NELL1: variants seen among roughly 807,000 people sequenced by gnomAD.
NELL1 encodes the protein protein kinase C-binding protein NELL1.
Under a neutral mutation model 107.4 loss-of-function variants are expected in NELL1, and 76 were observed. The observed-to-expected ratio is 0.71, with a 90% CI of 0.59 to 0.86. The LOEUF (loss-of-function observed/expected upper bound fraction) is 0.86, where lower values mean the gene tolerates loss of function less well. Ranked by LOEUF, NELL1 falls within the 40% of genes least tolerant of loss-of-function variation. The pLI, the probability that NELL1 is intolerant of heterozygous loss-of-function variation, is 0.00. For synonymous variants in NELL1, 353 were observed against 341.2 expected (o/e 1.03, Z -0.38); for missense variants, 1,024 against 1,005.5 (o/e 1.02, Z -0.25).
At chr11:20,982,903 C>A (rs1396444830) in intron 12 of NELL1, among the ~76,000 whole-genome samples, 1 of 152,194 alleles carries the variant, frequency 6.6e-6, no homozygotes, top group Non-Finnish European at 1.5e-5. Flanking sequence ...TTGTGGAAAA[C>A]CTCCAACAAA....
At chr11:20,978,451 C>T (rs371400433) in intron 12 of NELL1, among the ~76,000 whole-genome samples, 3 of 151,930 alleles carry the variant, frequency 2.0e-5, no homozygotes, top group African/African-American at 7.3e-5. Flanking sequence ...AAAGCACACA[C>T]ACACAACAAA....
At chr11:21,489,020 A>T (rs1268507018) in intron 15 of NELL1, among the ~76,000 whole-genome samples, 1 of 152,052 alleles carries the variant, frequency 6.6e-6, no homozygotes, top group Non-Finnish European at 1.5e-5. Context: ...AAAGGAACAA[A>T]ATTGAAAAAC....
chr11:20,863,154 C>T (rs1849012375), intron 4 of NELL1, among the ~76,000 whole-genome samples: 2 of 151,918 alleles, frequency 1.3e-5, no homozygotes, highest in African/African-American at 2.4e-5. Flanking sequence ...CAGAGGGGCT[C>T]CTCACTTCCC....
chr11:21,028,296 G>C (rs1220814868), intron 12 of NELL1, among the ~76,000 whole-genome samples: 1 of 152,134 alleles, frequency 6.6e-6, no homozygotes, highest in East Asian at 1.9e-4. Context: ...AGCCAGGATT[G>C]AGAACCTCTG....
intron 5 of NELL1, among the ~76,000 whole-genome samples, chr11:20,890,432 C>T (rs1474639096): frequency 1.3e-5 from 2 of 151,970 alleles, no homozygotes; most frequent in Admixed American, 6.6e-5. Context: ...TTCTGAAAAC[C>T]CAAAAGGCCA....
At chr11:21,076,552 G>A (rs1854141008) in intron 12 of NELL1, among the ~76,000 whole-genome samples, 1 of 152,210 alleles carries the variant, frequency 6.6e-6, no homozygotes, top group East Asian at 1.9e-4. Flanking sequence ...GGAGGTAAGA[G>A]AATACGTTAT....
intron 12 of NELL1, among the ~76,000 whole-genome samples, chr11:21,065,912 C>A (rs2134370264): frequency 6.6e-6 from 1 of 152,252 alleles, no homozygotes; most frequent in South Asian, 2.1e-4. Flanking sequence ...CTTGCTAGGA[C>A]CATTTATAAA....
Position 21,150,438 on chromosome 11 carries a change from T to C in NELL1, c.1426+36724T>C, listed in dbSNP as rs139182581. ...TGCTTGGAGGCCACCATGCAGAGTG[T>C]CCCTTGGCCAAGTTCTCATTAATCC... On this transcript the variant is annotated intron_variant, in intron 13 of 19. Transcript: ENST00000357134. Among the ~76,000 whole-genome samples, 404 of 152,198 alleles carry C rather than the reference T, an allele frequency of 2.7e-3. 1 individual carries two copies. The highest frequency in any genetic ancestry group is 9.1e-3 in the African/African-American group (380 of 41,540).
intron 13 of NELL1, among the ~76,000 whole-genome samples, chr11:21,186,813 C>T (rs533439822): frequency 1.3e-5 from 2 of 151,838 alleles, no homozygotes; most frequent in South Asian, 4.1e-4. Flanking sequence ...TTGTTTGATA[C>T]CATGTAGGAG....
At chr11:21,034,391 A>G (rs1306915284) in intron 12 of NELL1, among the ~76,000 whole-genome samples, 1 of 152,138 alleles carries the variant, frequency 6.6e-6, no homozygotes, top group Non-Finnish European at 1.5e-5. Flanking sequence ...ACCTGAACTG[A>G]GCACTGGATC....
At position 21,232,116 on chromosome 11, in the gene NELL1, A is replaced by G. The variant is rs539524792; in HGVS notation, c.1549+2662A>G. Among the ~76,000 whole-genome samples the G allele has an allele frequency of 3.2e-4, 47 of 148,018 alleles. 1 individual carries two copies. In the East Asian group the frequency reaches 8.6e-3, roughly 27 times the overall value. ...GGAGTTCTAGACCAGCCTGGCCAACATGACAAAACTCCATCTCTACTAAAA... is the reference window on the plus strand; with the variant it reads ...GGAGTTCTAGACCAGCCTGGCCAACGTGACAAAACTCCATCTCTACTAAAA... On this transcript the variant is annotated intron_variant, in intron 14 of 19. Coordinates refer to ENST00000357134, the MANE Select transcript of NELL1 (RefSeq NM_006157.5).
chr11:20,783,852 T>C, intron 3 of NELL1, 22 bp downstream of exon 3: 3 of 1,595,756 alleles, frequency 1.9e-6, no homozygotes, highest in Non-Finnish European at 2.6e-6. Context: ...CTTTCTGCTT[T>C]TGAAAATCTC....
chr11:21,242,671 A>C (rs1027877391), intron 14 of NELL1, among the ~76,000 whole-genome samples: 3 of 151,736 alleles, frequency 2.0e-5, no homozygotes, highest in African/African-American at 7.2e-5. Flanking sequence ...ATTACTGTGA[A>C]TATCCAGAGT....
At chr11:20,932,124 T>C (rs542733590) in intron 9 of NELL1, among the ~76,000 whole-genome samples, 1 of 152,286 alleles carries the variant, frequency 6.6e-6, no homozygotes, top group South Asian at 2.1e-4. Flanking sequence ...GTTGGGTGTC[T>C]GCACTATTCA....
At chr11:21,388,633 A>G (rs578095415) in intron 15 of NELL1, among the ~76,000 whole-genome samples, 52 of 151,976 alleles carry the variant, frequency 3.4e-4, no homozygotes, top group African/African-American at 1.3e-3. Flanking sequence ...TCATTCTAAT[A>G]TGAATCATTC....
At chr11:20,867,508 T>A (rs1202912333) in intron 4 of NELL1, among the ~76,000 whole-genome samples, 4 of 152,108 alleles carry the variant, frequency 2.6e-5, no homozygotes. Flanking sequence ...CGTTCCAGCT[T>A]TTGTCTTGCT....
intron 15 of NELL1, among the ~76,000 whole-genome samples, chr11:21,388,586 G>T (rs894086021): frequency 6.6e-6 from 1 of 151,748 alleles, no homozygotes; most frequent in African/African-American, 2.4e-5. Context: ...TACCCACAAA[G>T]AAATACATTC....
At chr11:21,290,692 C>T (rs961354198) in intron 14 of NELL1, among the ~76,000 whole-genome samples, 117 of 152,282 alleles carry the variant, frequency 7.7e-4, no homozygotes, top group African/African-American at 2.8e-3. Context: ...CTGGTGATAC[C>T]CAGGGAAACA....
chr11:20,786,421 A>G (rs1436773184), intron 3 of NELL1, among the ~76,000 whole-genome samples: 1 of 152,048 alleles, frequency 6.6e-6, no homozygotes, highest in African/African-American at 2.4e-5. Flanking sequence ...CTTTAGCCAA[A>G]GAAGGTGAGG....
Sources: gnomAD v4.1 joint callset for allele counts (sites outside exome capture counted in the v4.1 genomes callset) on GRCh38, gnomAD v4.1.1 for gene constraint, MANE v1.5 for transcripts, NCBI Gene and HGNC (gene_info 2026-07-23, HGNC 2026-07-21) for gene names.